Variants in NUP93 observed in about 807,000 individuals in gnomAD.
NUP93 encodes nuclear pore complex protein Nup93.
In NUP93, 55 loss-of-function variants were observed where a neutral mutation model predicts 107.8. The observed-to-expected ratio is 0.51, with a 90% CI of 0.41 to 0.64. The LOEUF (loss-of-function observed/expected upper bound fraction) is 0.64. Among genes scored for constraint, NUP93 ranks in the 30% least tolerant of loss-of-function variants. NUP93 has a pLI of 0.00. For missense variants in NUP93, 937 were observed against 1,044.7 expected (o/e 0.90, Z 1.42); for synonymous variants, 390 against 397.5 (o/e 0.98, Z 0.22).
chr16:56,778,319 A>G (rs1449438295), intron 3 of NUP93, among the ~76,000 whole-genome samples: 1 of 152,220 alleles, frequency 6.6e-6, no homozygotes, highest in African/African-American at 2.4e-5. Context: ...TGTGCTAAGA[A>G]GTAAAATCTG....
chr16:56,829,913 G>T (rs1963745470), intron 9 of NUP93, among the ~76,000 whole-genome samples: 1 of 152,228 alleles, frequency 6.6e-6, no homozygotes, highest in African/African-American at 2.4e-5. Flanking sequence ...ACTTCTGGAG[G>T]AGTTGAAGAA....
At chr16:56,808,851 T>C (rs1335948037) in intron 5 of NUP93, among the ~76,000 whole-genome samples, 1 of 147,732 alleles carries the variant, frequency 6.8e-6, no homozygotes, top group Non-Finnish European at 1.5e-5. Context: ...AATACACATA[T>C]ATATATGCAG....
chr16:56,824,037 C>T (rs1383938354), intron 8 of NUP93, among the ~76,000 whole-genome samples, 191 bp downstream of exon 8: 2 of 152,174 alleles, frequency 1.3e-5, no homozygotes, highest in African/African-American at 4.8e-5. Flanking sequence ...AGGACTGTTT[C>T]TGCAGTGGTA....
intron 3 of NUP93, among the ~76,000 whole-genome samples, chr16:56,790,096 T>A (rs1473868008): frequency 2.7e-5 from 4 of 149,204 alleles, no homozygotes; most frequent in Non-Finnish European, 4.4e-5. Context: ...AAACTCCATC[T>A]CAAAACAAAA....
In NUP93 at chr16:56,833,330, C is replaced by G; in HGVS notation, c.1461C>G (p.Cys487Trp). 6.2e-7 allele frequency: 1 copy of G among 1,606,396 alleles called. No individual in the cohort carries two copies. Among genetic ancestry groups the G allele is most frequent in the Non-Finnish European group, 8.5e-7 (1 of 1,177,356 alleles). Reference sequence around the variant, plus strand: ...TTTTCCGCATGGAGCGGCTGCGCTGCCATGCTGTCCATGTAGCACTGGTGC... The same window carrying G: ...TTTTCCGCATGGAGCGGCTGCGCTGGCATGCTGTCCATGTAGCACTGGTGC... ...AFLFRMERLR[C>W]HAVHVALVLF... Residue 487 changes from cysteine to tryptophan, a missense_variant, in exon 13 of 22, where the codon TGC becomes TGG. Cys to Trp is a radical substitution (Grantham distance 215). Coordinates refer to ENST00000308159, the MANE Select transcript of NUP93 (RefSeq NM_014669.5).
At chr16:56,836,981 T>G (rs538913046) in intron 17 of NUP93, among the ~76,000 whole-genome samples, 4 of 152,348 alleles carry the variant, frequency 2.6e-5, no homozygotes, top group Admixed American at 6.5e-5. Flanking sequence ...GGCAGCAGAA[T>G]TAGCATCCAT....
intron 21 of NUP93, chr16:56,842,742 G>A: frequency 2.7e-6 from 1 of 365,340 alleles, no homozygotes; most frequent in Non-Finnish European, 5.4e-6. Context: ...ATATAGAGAT[G>A]GAATTTTACC....
chr16:56,795,912 G>A (rs1962887484), intron 3 of NUP93, among the ~76,000 whole-genome samples: 2 of 152,118 alleles, frequency 1.3e-5, no homozygotes, highest in Admixed American at 6.5e-5. Flanking sequence ...CTCCCAAAGT[G>A]CTGTGATTAC....
intron 3 of NUP93, among the ~76,000 whole-genome samples, chr16:56,796,732 A>G (rs746333450): frequency 3.9e-5 from 6 of 152,232 alleles, no homozygotes; most frequent in Non-Finnish European, 7.4e-5. Context: ...TAATCCTAGC[A>G]CTTTGGGAGG....
chr16:56,814,047 C>T (rs1202554897), intron 5 of NUP93, among the ~76,000 whole-genome samples: 1 of 152,182 alleles, frequency 6.6e-6, no homozygotes, highest in South Asian at 2.1e-4. Flanking sequence ...AAATTAATCA[C>T]CGTGTTTCCA....
At chr16:56,777,044 G>T (rs1217161244) in intron 3 of NUP93, among the ~76,000 whole-genome samples, 2 of 151,976 alleles carry the variant, frequency 1.3e-5, no homozygotes, top group African/African-American at 4.8e-5. Context: ...GCACGCACGT[G>T]TGTGTGTGTG....
chr16:56,809,050 A>G (rs1382428705), intron 5 of NUP93, among the ~76,000 whole-genome samples: 1 of 152,092 alleles, frequency 6.6e-6, no homozygotes, highest in Non-Finnish European at 1.5e-5. Context: ...AGCTTACTGA[A>G]TGCTCTGTTC....
At chr16:56,823,104 T>C (rs1249391096) in intron 7 of NUP93, among the ~76,000 whole-genome samples, 1 of 152,152 alleles carries the variant, frequency 6.6e-6, no homozygotes, top group Non-Finnish European at 1.5e-5. Flanking sequence ...CCCAGCTGTG[T>C]GGTGGTAACA....
chr16:56,823,664 C>G (rs1159653224), intron 7 of NUP93, 43 bp from the exon 8 acceptor site: 2 of 1,605,288 alleles, frequency 1.2e-6, no homozygotes, highest in Non-Finnish European at 1.7e-6. Context: ...GATAATTTCT[C>G]TGGCCCTGCA....
At chr16:56,839,233 CTTTTTTTTTTTTTT>C (rs71152206) in intron 19 of NUP93, 164 bp downstream of exon 19, 25 of 52,832 alleles carry the variant, frequency 4.7e-4, no homozygotes, top group Non-Finnish European at 7.0e-4. Flanking sequence ...TCCTGTGTGG[CTTTTTTTTTTTTTT>C]TTTTTTTTTT....
intron 3 of NUP93, among the ~76,000 whole-genome samples, chr16:56,772,582 G>A (rs1962341660): frequency 6.6e-6 from 1 of 152,200 alleles, no homozygotes; most frequent in Admixed American, 6.5e-5. Context: ...CAGGGGCCTG[G>A]AAGCTCTGTG....
At chr16:56,822,721 T>C (rs562485620) in intron 7 of NUP93, among the ~76,000 whole-genome samples, 2 of 151,958 alleles carry the variant, frequency 1.3e-5, no homozygotes, top group Admixed American at 1.3e-4. Flanking sequence ...CCACCATGCC[T>C]GGTTAATTTT....
intron 3 of NUP93, among the ~76,000 whole-genome samples, chr16:56,768,440 G>T (rs1962254239): frequency 1.3e-5 from 2 of 152,092 alleles, no homozygotes; most frequent in Admixed American, 1.3e-4. Context: ...GCGCATGCCT[G>T]TAATCCTAGC....
At chr16:56,732,399 C>G (rs1440793372) in intron 1 of NUP93, among the ~76,000 whole-genome samples, 1 of 152,176 alleles carries the variant, frequency 6.6e-6, no homozygotes, top group Non-Finnish European at 1.5e-5. Flanking sequence ...CCTCATTGAA[C>G]TGATAAGCCT....
Sources: allele counts gnomAD v4.1 joint callset (sites outside exome capture counted in the v4.1 genomes callset), GRCh38; gene constraint gnomAD v4.1.1; transcripts MANE v1.5; gene names NCBI Gene and HGNC (gene_info 2026-07-23, HGNC 2026-07-21).